NRXN1: variants seen among roughly 807,000 people sequenced by gnomAD.
NRXN1 encodes neurexin 1, also known as neurexin-1.
Under a neutral mutation model 150.9 loss-of-function variants are expected in NRXN1, and 39 were observed. The ratio of observed to expected loss-of-function variants is 0.26; its 90% CI spans 0.20 to 0.34. The LOEUF (loss-of-function observed/expected upper bound fraction) is 0.34. Among genes scored for constraint, NRXN1 ranks in the 10% least tolerant of loss-of-function variants. The probability of loss-of-function intolerance (pLI) is 1.00; values close to 1 mark genes in which losing one functional copy is unlikely to be tolerated. For synonymous variants in NRXN1, 924 were observed against 757.0 expected, an observed-to-expected ratio of 1.22 and a Z score of -3.62; for missense variants, 1,815 against 1,949.9, an observed-to-expected ratio of 0.93 and a Z score of 1.30.
intron 19 of NRXN1, among the ~76,000 whole-genome samples, chr2:50,066,496 T>C (rs1237050320): frequency 1.3e-5 from 2 of 152,172 alleles, no homozygotes; most frequent in Non-Finnish European, 2.9e-5. Context: ...CAAAATGTCA[T>C]TGAAATAATA....
intron 17 of NRXN1, among the ~76,000 whole-genome samples, chr2:50,310,914 T>A (rs549685305): frequency 2.0e-5 from 3 of 152,176 alleles, no homozygotes; most frequent in Non-Finnish European, 2.9e-5. Context: ...TTCATTATTA[T>A]GTTTCTTAAT....
At chr2:50,604,227 G>C (rs541795425) in intron 8 of NRXN1, among the ~76,000 whole-genome samples, 5 of 152,134 alleles carry the variant, frequency 3.3e-5, no homozygotes, top group African/African-American at 1.2e-4. Flanking sequence ...GCCTTGATTA[G>C]GGTGAAGTTG....
chr2:50,131,734 G>A (rs1158568410), intron 18 of NRXN1, among the ~76,000 whole-genome samples: 1 of 152,144 alleles, frequency 6.6e-6, no homozygotes, highest in African/African-American at 2.4e-5. Flanking sequence ...AGGCTAGAGA[G>A]AGAAAATCCT....
At chr2:50,239,666 A>G (rs1480448797) in intron 17 of NRXN1, among the ~76,000 whole-genome samples, 4 of 11,284 alleles carry the variant, frequency 3.5e-4, no homozygotes, top group East Asian at 3.0e-3. Flanking sequence ...ATTCCAGTAT[A>G]TATATATATA....
At chr2:50,497,265 AT>A (rs1398098698) in intron 14 of NRXN1, 67 bp downstream of exon 14, 1 of 1,266,470 alleles carries the variant, frequency 7.9e-7, no homozygotes, top group Non-Finnish European at 1.1e-6. Context: ...CTTAGTGTAT[AT>A]TTTTGGAAAT....
chr2:51,002,977 T>G (rs990705381), intron 2 of NRXN1, among the ~76,000 whole-genome samples: 2 of 151,896 alleles, frequency 1.3e-5, no homozygotes, highest in African/African-American at 2.4e-5. Context: ...TTATGACAAA[T>G]TAATTCTATG....
intron 5 of NRXN1, among the ~76,000 whole-genome samples, chr2:50,872,522 G>A (rs1390893488): frequency 6.6e-6 from 1 of 151,762 alleles, no homozygotes; most frequent in Non-Finnish European, 1.5e-5. Flanking sequence ...TTGGGTATAG[G>A]AGACAAAGTA....
At chr2:50,760,816 A>ATGTG (rs1354772147) in intron 5 of NRXN1, among the ~76,000 whole-genome samples, 1 of 151,914 alleles carries the variant, frequency 6.6e-6, no homozygotes, top group Non-Finnish European at 1.5e-5. Context: ...TGGGCGGGGC[A>ATGTG]TGTGTAATGT....
At chr2:50,206,115 A>G (rs558565404) in intron 18 of NRXN1, among the ~76,000 whole-genome samples, 1 of 152,220 alleles carries the variant, frequency 6.6e-6, no homozygotes, top group African/African-American at 2.4e-5. Flanking sequence ...ACCACCTCCC[A>G]AAGAAATACT....
At chr2:51,010,602 T>G (rs1236451014) in intron 2 of NRXN1, among the ~76,000 whole-genome samples, 2 of 152,032 alleles carry the variant, frequency 1.3e-5, no homozygotes, top group Non-Finnish European at 2.9e-5. Context: ...GTTCAGGTAT[T>G]TCTGTTTAAA....
chr2:50,818,960 G>A (rs1261146907), intron 5 of NRXN1, among the ~76,000 whole-genome samples: 1 of 152,054 alleles, frequency 6.6e-6, no homozygotes, highest in Non-Finnish European at 1.5e-5. Flanking sequence ...ACCACAAGGA[G>A]GAGGGAAAGC....
chr2:50,377,681 T>C (rs1198774741), intron 17 of NRXN1, among the ~76,000 whole-genome samples: 1 of 152,160 alleles, frequency 6.6e-6, no homozygotes, highest in East Asian at 1.9e-4. Flanking sequence ...TTCTCACCAG[T>C]CCAGTTTGTG....
chr2:50,532,391 T>C (rs2093141103), intron 10 of NRXN1, among the ~76,000 whole-genome samples: 1 of 151,980 alleles, frequency 6.6e-6, no homozygotes, highest in African/African-American at 2.4e-5. Flanking sequence ...CTATAGGAAC[T>C]AGGCCAATAC....
chr2:50,705,049 A>AAC (rs10679163), intron 5 of NRXN1, among the ~76,000 whole-genome samples: 66,032 of 145,660 alleles, frequency 0.45, 14,708 homozygotes, highest in East Asian at 0.54. Flanking sequence ...CAGAAACACA[A>AAC]ACACACACAC....
At chr2:50,273,418 T>C (rs1297289873) in intron 17 of NRXN1, among the ~76,000 whole-genome samples, 3 of 152,146 alleles carry the variant, frequency 2.0e-5, no homozygotes, top group Non-Finnish European at 4.4e-5. Flanking sequence ...AACCCAAAAC[T>C]CATGCAAAAT....
intron 18 of NRXN1, among the ~76,000 whole-genome samples, chr2:50,182,274 A>G (rs1359358960): frequency 2.0e-5 from 3 of 151,906 alleles, no homozygotes; most frequent in African/African-American, 7.2e-5. Flanking sequence ...TCCTATTTCT[A>G]TAAGGTACAT....
chr2:51,023,761 TTAA>T (rs959885638), intron 2 of NRXN1, among the ~76,000 whole-genome samples: 46 of 152,158 alleles, frequency 3.0e-4, no homozygotes, highest in Admixed American at 2.8e-3. Flanking sequence ...AATAAAGAAA[TTAA>T]TAAACAAATG....
intron 5 of NRXN1, among the ~76,000 whole-genome samples, chr2:50,782,892 G>C (rs1574460316): frequency 6.6e-6 from 1 of 152,262 alleles, no homozygotes; most frequent in East Asian, 1.9e-4. Context: ...CTATTGCAAA[G>C]GCAAAGCTGT....
intron 2 of NRXN1, among the ~76,000 whole-genome samples, chr2:51,004,919 A>C (rs2105128533): frequency 6.6e-6 from 1 of 152,142 alleles, no homozygotes; most frequent in East Asian, 1.9e-4. Flanking sequence ...ATTTTAGACT[A>C]TAGTAAAACT....
Sources: allele counts gnomAD v4.1 joint callset (sites outside exome capture counted in the v4.1 genomes callset), GRCh38; gene constraint gnomAD v4.1.1; transcripts MANE v1.5; gene names NCBI Gene and HGNC (gene_info 2026-07-23, HGNC 2026-07-21).